The following TENM4 variants were observed in gnomAD, a reference collection of about 807,000 sequenced individuals.
TENM4 encodes teneurin transmembrane protein 4, also known as teneurin-4.
Under a neutral mutation model 243.3 loss-of-function variants are expected in TENM4, and 82 were observed. The observed-to-expected ratio is 0.34, with a 90% CI of 0.28 to 0.40. The LOEUF (loss-of-function observed/expected upper bound fraction) is 0.40. Among genes scored for constraint, TENM4 ranks in the 10% least tolerant of loss-of-function variants. TENM4 has a pLI of 1.00. For synonymous variants in TENM4, 1,412 were observed against 1,456.3 expected (o/e 0.97, Z 0.69); for missense variants, 3,138 against 3,673.3 (o/e 0.85, Z 3.77).
intron 4 of TENM4, chr11:79,093,734 G>C (rs1445459918): frequency 3.3e-5 from 5 of 152,190 alleles, no homozygotes; most frequent in African/African-American, 9.7e-5. Context: ...CTGTCTCATA[G>C]GTGCAAATCT....
intron 30 of TENM4, among the ~76,000 whole-genome samples, chr11:78,674,727 G>C (rs773274882): frequency 3.9e-5 from 6 of 152,168 alleles, no homozygotes; most frequent in African/African-American, 7.2e-5. Context: ...CGGGGAGCTA[G>C]TGCAAGGCTG....
chr11:79,096,919 C>T (rs1206582331), intron 4 of TENM4: 7 of 118,844 alleles, frequency 5.9e-5, no homozygotes, highest in East Asian at 3.6e-4. Context: ...CGCACATGCG[C>T]GCGCGCGCGC....
chr11:79,207,344 T>C (rs943933604), intron 3 of TENM4, among the ~76,000 whole-genome samples: 1 of 152,236 alleles, frequency 6.6e-6, no homozygotes, highest in Non-Finnish European at 1.5e-5. Context: ...GTGTTAACCA[T>C]GTGCCAGGTG....
rs185504856 is a variant in TENM4, at chr11:78,822,065, A to G, written c.1682-7670T>C. On this transcript the variant is annotated intron_variant, in intron 12 of 33. Transcript: ENST00000278550. ...ATGACTAAAACGAATGACCTAGGTG[A>G]TCTACAAAGTCATATATTTTCAGTC... 1.9e-3 allele frequency among the ~76,000 whole-genome samples: 286 copies of G among 152,334 alleles called. 2 individuals carry two copies. The highest frequency in any genetic ancestry group is 6.6e-3 in the African/African-American group (274 of 41,566).
chr11:79,387,395 T>C (rs1858139628), intron 1 of TENM4, among the ~76,000 whole-genome samples: 2 of 152,234 alleles, frequency 1.3e-5, no homozygotes, highest in South Asian at 4.1e-4. Context: ...TGCTATATTA[T>C]GTCCATAAAA....
At chr11:79,245,938 TAAAAAA>T (rs1199883938) in intron 2 of TENM4, among the ~76,000 whole-genome samples, 2 of 64,894 alleles carry the variant, frequency 3.1e-5, no homozygotes, top group Admixed American at 1.9e-4. Flanking sequence ...AGACTTTGTC[TAAAAAA>T]AAAAAAAAAA....
At chr11:78,849,171 G>C (rs1212071535) in intron 12 of TENM4, among the ~76,000 whole-genome samples, 1 of 152,228 alleles carries the variant, frequency 6.6e-6, no homozygotes, top group Non-Finnish European at 1.5e-5. Flanking sequence ...GCTACCTGAA[G>C]AATGAAAACG....
At chr11:78,869,278 A>G (rs1263844012) in intron 9 of TENM4, among the ~76,000 whole-genome samples, 2 of 152,222 alleles carry the variant, frequency 1.3e-5, no homozygotes, top group South Asian at 4.1e-4. Flanking sequence ...TTAAAACACA[A>G]TGTCAGGAAA....
intron 4 of TENM4, among the ~76,000 whole-genome samples, chr11:79,108,221 G>A (rs942678835): frequency 3.3e-5 from 5 of 152,204 alleles, no homozygotes; most frequent in African/African-American, 1.2e-4. Flanking sequence ...CTTTGCAGAT[G>A]TGGTTAATAT....
chr11:79,354,767 CCTA>C (rs2135483213), intron 1 of TENM4, among the ~76,000 whole-genome samples: 1 of 152,198 alleles, frequency 6.6e-6, no homozygotes, highest in African/African-American at 2.4e-5. Context: ...GATAATTCTC[CCTA>C]CGTCATATGC....
At chr11:79,418,551 A>T (rs1858866134) in intron 1 of TENM4, among the ~76,000 whole-genome samples, 1 of 152,098 alleles carries the variant, frequency 6.6e-6, no homozygotes, top group Admixed American at 6.5e-5. Flanking sequence ...CACCCAACAC[A>T]ACATCCTCTG....
intron 4 of TENM4, among the ~76,000 whole-genome samples, chr11:79,119,362 C>G (rs968486320): frequency 2.0e-5 from 3 of 150,796 alleles, no homozygotes; most frequent in African/African-American, 7.3e-5. Context: ...TTGTGATAAT[C>G]ATTATCATTA....
chr11:79,274,235 G>C (rs1240132084), intron 2 of TENM4, among the ~76,000 whole-genome samples: 1 of 152,208 alleles, frequency 6.6e-6, no homozygotes. Context: ...AAGGCAGAAG[G>C]TCCCTTTGGT....
intron 4 of TENM4, among the ~76,000 whole-genome samples, chr11:79,135,396 C>A (rs1862088006): frequency 6.6e-6 from 1 of 151,794 alleles, no homozygotes; most frequent in Non-Finnish European, 1.5e-5. Context: ...TTCTACACTG[C>A]TGGTGGGAAT....
At chr11:78,860,293 GGATA>G (rs1201399476) in intron 10 of TENM4, among the ~76,000 whole-genome samples, 2 of 152,180 alleles carry the variant, frequency 1.3e-5, no homozygotes, top group Admixed American at 6.5e-5. Context: ...GGCTTTGAAT[GGATA>G]GATATAGTTA....
At chr11:78,809,687 G>A (rs913526903) in intron 14 of TENM4, among the ~76,000 whole-genome samples, 1 of 152,222 alleles carries the variant, frequency 6.6e-6, no homozygotes, top group Non-Finnish European at 1.5e-5. Flanking sequence ...GGTCAGGGAG[G>A]TGGGCTGGCC....
chr11:79,105,818 G>T (rs965090361), intron 4 of TENM4, among the ~76,000 whole-genome samples: 4 of 152,242 alleles, frequency 2.6e-5, no homozygotes, highest in African/African-American at 7.2e-5. Flanking sequence ...AGTGTTGCTG[G>T]CTGGTTGAGA....
At chr11:78,777,153 C>G (rs1856754829) in intron 17 of TENM4, among the ~76,000 whole-genome samples, 1 of 151,892 alleles carries the variant, frequency 6.6e-6, no homozygotes, top group African/African-American at 2.4e-5. Flanking sequence ...AAAATTTAGC[C>G]CACCCTGAAG....
At chr11:78,951,208 A>G (rs1375272803) in intron 6 of TENM4, among the ~76,000 whole-genome samples, 2 of 152,270 alleles carry the variant, frequency 1.3e-5, no homozygotes, top group African/African-American at 4.8e-5. Flanking sequence ...AGAGGACTGC[A>G]GTGCTTCCTT....
Sources: allele counts gnomAD v4.1 joint callset (sites outside exome capture counted in the v4.1 genomes callset), GRCh38; gene constraint gnomAD v4.1.1; transcripts MANE v1.5; gene names NCBI Gene and HGNC (gene_info 2026-07-23, HGNC 2026-07-21).